SYT1: variants seen among roughly 807,000 people sequenced by gnomAD.
The protein encoded by SYT1 is synaptotagmin-1.
A neutral mutation model predicts 44.8 loss-of-function variants in SYT1; 8 were observed. The observed-to-expected ratio is 0.18, with a 90% CI of 0.10 to 0.32. The LOEUF is 0.32. SYT1 is among the 10% of genes least tolerant of loss of function. The pLI is 1.00. For synonymous variants in SYT1, 154 were observed against 188.8 expected, an observed-to-expected ratio of 0.82 and a Z score of 1.51; for missense variants, 286 against 509.3, an observed-to-expected ratio of 0.56 and a Z score of 4.22.
At chr12:79,107,972 T>G (rs915170592) in intron 3 of SYT1, among the ~76,000 whole-genome samples, 1 of 152,064 alleles carries the variant, frequency 6.6e-6, no homozygotes, top group Non-Finnish European at 1.5e-5. Flanking sequence ...ATATAAATTC[T>G]AAATTTAGAG....
intron 3 of SYT1, among the ~76,000 whole-genome samples, chr12:79,179,550 T>G (rs984565648): frequency 1.4e-5 from 2 of 146,040 alleles, no homozygotes; most frequent in Non-Finnish European, 1.5e-5. Flanking sequence ...TATAGAGATA[T>G]AGATATAGAT....
intron 8 of SYT1, among the ~76,000 whole-genome samples, chr12:79,329,575 T>TATCTC (rs775671621): frequency 3.3e-5 from 5 of 152,216 alleles, no homozygotes; most frequent in Non-Finnish European, 5.9e-5. Context: ...CTGACCACTT[T>TATCTC]ATCTCATCTC....
intron 3 of SYT1, among the ~76,000 whole-genome samples, chr12:79,151,591 A>G (rs1349156405): frequency 6.6e-6 from 1 of 152,172 alleles, no homozygotes; most frequent in Non-Finnish European, 1.5e-5. Flanking sequence ...CTGGACAGCA[A>G]CAAGACTAGT....
Position 79,012,678 on chromosome 12 carries a change from C to T in SYT1, c.-83-34619C>T, listed in dbSNP as rs187131511. On this transcript the variant is annotated intron_variant, in intron 2 of 10. Transcript: ENST00000261205. ...AAATTTATTATAATATTTCCTGGTTCCTTGTGAAGTGTGTAGGCAAAAACA... is the reference window on the plus strand; with the variant it reads ...AAATTTATTATAATATTTCCTGGTTTCTTGTGAAGTGTGTAGGCAAAAACA... Among the ~76,000 whole-genome samples the T allele has an allele frequency of 1.2e-4, 19 of 152,188 alleles. No individual in the cohort carries two copies. The East Asian group carries it at 3.5e-3, about 28-fold the overall frequency.
chr12:79,090,751 G>C (rs976678727), intron 3 of SYT1, among the ~76,000 whole-genome samples: 5 of 151,912 alleles, frequency 3.3e-5, no homozygotes, highest in African/African-American at 1.2e-4. Context: ...AAGAAAAAGA[G>C]GCCTGAAGCT....
intron 1 of SYT1, among the ~76,000 whole-genome samples, chr12:78,889,243 T>C (rs1231541746): frequency 6.6e-6 from 1 of 151,960 alleles, no homozygotes; most frequent in Non-Finnish European, 1.5e-5. Context: ...TGAAATTTTA[T>C]ACAAAATGTG....
intron 1 of SYT1, among the ~76,000 whole-genome samples, chr12:78,898,763 CA>C (rs2137091263): frequency 6.6e-6 from 1 of 152,132 alleles, no homozygotes; most frequent in East Asian, 1.9e-4. Context: ...GCATAATTTA[CA>C]GTGAAGAAGA....
rs576377261 is a variant in SYT1 at position 78,893,691 on chromosome 12, A to G, written c.-217+28582A>G. 5.9e-5 allele frequency among the ~76,000 whole-genome samples: 9 copies of G among 151,866 alleles called. No individual in the cohort carries two copies. In the South Asian group the frequency reaches 1.9e-3, roughly 31 times the overall value. ...AAACAAACTTCTCTGAAGAGAAACT[A>G]AGACTTTAACTAAAAAGATAGGTTT... On this transcript the variant is annotated intron_variant, in intron 1 of 10. Transcript: ENST00000261205.
intron 9 of SYT1, among the ~76,000 whole-genome samples, chr12:79,403,130 G>A (rs1264692634): frequency 6.6e-6 from 1 of 152,100 alleles, no homozygotes; most frequent in Non-Finnish European, 1.5e-5. Flanking sequence ...GGTCCCCACT[G>A]CTTTTATTTT....
intron 3 of SYT1, among the ~76,000 whole-genome samples, chr12:79,117,758 A>C (rs1879383189): frequency 7.1e-6 from 1 of 140,598 alleles, no homozygotes; most frequent in African/African-American, 2.6e-5. Context: ...ACCAATCATT[A>C]ACACATGTAA....
At chr12:79,179,258 A>T (rs182098854) in intron 3 of SYT1, among the ~76,000 whole-genome samples, 3 of 117,418 alleles carry the variant, frequency 2.6e-5, no homozygotes, top group African/African-American at 1.0e-4. Flanking sequence ...AGATATAGAT[A>T]TAGATATATA....
chr12:79,293,406 A>AAATTAAATT (rs1879725795), intron 6 of SYT1, among the ~76,000 whole-genome samples: 2 of 63,726 alleles, frequency 3.1e-5, no homozygotes, highest in South Asian at 8.1e-4. Context: ...AAAATAAAAT[A>AAATTAAATT]AAATTAAAAA....
intron 3 of SYT1, among the ~76,000 whole-genome samples, chr12:79,093,149 A>G (rs1429760211): frequency 6.6e-6 from 1 of 151,708 alleles, no homozygotes; most frequent in African/African-American, 2.4e-5. Context: ...AGCGTATTAA[A>G]TAGGCCTAAC....
intron 3 of SYT1, among the ~76,000 whole-genome samples, chr12:79,179,027 GAT>G (rs1491584828): frequency 3.7e-4 from 1 of 2,682 alleles, no homozygotes; most frequent in Non-Finnish European, 6.0e-4. Flanking sequence ...TATAGATATA[GAT>G]ATATAGATAT....
chr12:79,071,528 T>A (rs1378306041), intron 3 of SYT1, among the ~76,000 whole-genome samples: 3 of 152,216 alleles, frequency 2.0e-5, no homozygotes, highest in African/African-American at 7.2e-5. Context: ...ATTTGTTTGC[T>A]ACCATAACAA....
At chr12:79,019,925 A>G (rs1872072885) in intron 2 of SYT1, among the ~76,000 whole-genome samples, 1 of 151,970 alleles carries the variant, frequency 6.6e-6, no homozygotes, top group South Asian at 2.1e-4. Context: ...TTTGTGTGAT[A>G]CACTGCACCA....
At chr12:79,022,621 A>G (rs913039238) in intron 2 of SYT1, among the ~76,000 whole-genome samples, 2 of 151,574 alleles carry the variant, frequency 1.3e-5, no homozygotes, top group African/African-American at 4.8e-5. Flanking sequence ...TGTTTTAAAT[A>G]TATTAATTAT....
intron 2 of SYT1, among the ~76,000 whole-genome samples, chr12:78,993,379 T>G (rs749051712): frequency 4.6e-5 from 7 of 152,232 alleles, no homozygotes; most frequent in Non-Finnish European, 8.8e-5. Flanking sequence ...GAATAATCAT[T>G]GTTCATGTTC....
chr12:79,299,658 T>C lies in SYT1; in HGVS notation c.810+107T>C, dbSNP rs1880040042. On this transcript the variant is annotated intron_variant, in intron 8 of 10. Transcript: ENST00000261205. ...CTTTACAAAGGGGGATGTGGGCCTCTAGTTGTTGACAGCTGATAAAATAGG... is the reference window on the plus strand; with the variant it reads ...CTTTACAAAGGGGGATGTGGGCCTCCAGTTGTTGACAGCTGATAAAATAGG... 20 of 1,389,428 alleles carry C rather than the reference T, an allele frequency of 1.4e-5. No homozygotes were observed. The South Asian group carries it at 1.9e-4, about 13-fold the overall frequency. 86.1% of individuals were successfully genotyped at this position (1,389,428 alleles called of 1,614,324 possible).
Sources: gnomAD v4.1 joint callset for allele counts (sites outside exome capture counted in the v4.1 genomes callset) on GRCh38, gnomAD v4.1.1 for gene constraint, MANE v1.5 for transcripts, NCBI Gene and HGNC (gene_info 2026-07-23, HGNC 2026-07-21) for gene names.